Variants in ERI3 observed in about 807,000 individuals in gnomAD.
ERI3 encodes ERI1 exoribonuclease family member 3, also known as ERI1 exoribonuclease 3.
Under a neutral mutation model 44.4 loss-of-function variants are expected in ERI3, and 18 were observed. The ratio of observed to expected loss-of-function variants is 0.41; its 90% CI spans 0.28 to 0.60. The LOEUF (loss-of-function observed/expected upper bound fraction) is 0.60, where lower values mean the gene tolerates loss of function less well. Among genes scored for constraint, ERI3 ranks in the 20% least tolerant of loss-of-function variants. The pLI is 0.36. For synonymous variants in ERI3, 183 were observed against 164.8 expected, an observed-to-expected ratio of 1.11 and a Z score of -0.84; for missense variants, 294 against 435.5, an observed-to-expected ratio of 0.68 and a Z score of 2.89.
chr1:44,255,526 G>A (rs1008563832), intron 7 of ERI3, among the ~76,000 whole-genome samples: 13 of 151,872 alleles, frequency 8.6e-5, no homozygotes, highest in African/African-American at 3.1e-4. Context: ...GGGTTCCTTG[G>A]GTGATTTCCT....
At chr1:44,326,523 T>C (rs922418819) in intron 3 of ERI3, among the ~76,000 whole-genome samples, 6 of 152,382 alleles carry the variant, frequency 3.9e-5, no homozygotes, top group African/African-American at 1.4e-4. Flanking sequence ...TTAAATTTAT[T>C]GCCAAGCCCT....
intron 4 of ERI3, among the ~76,000 whole-genome samples, chr1:44,313,676 G>A (rs1427295987): frequency 6.6e-6 from 1 of 152,104 alleles, no homozygotes; most frequent in Non-Finnish European, 1.5e-5. Flanking sequence ...GGCACACTTG[G>A]TTTCAAGTCC....
At position 44,346,173 on chromosome 1, in the gene ERI3, G is replaced by A. The variant is rs112324315; in HGVS notation, c.211+6677C>T. Among the ~76,000 whole-genome samples the A allele has an allele frequency of 5.4e-3, 827 of 152,338 alleles. 7 individuals carry two copies. The highest frequency in any genetic ancestry group is 0.019 in the African/African-American group (780 of 41,566). On this transcript the variant is annotated intron_variant, in intron 2 of 8. Coordinates refer to ENST00000372257, the MANE Select transcript of ERI3 (RefSeq NM_024066.3). ...CACTCAGTCCCTGCCTTGGCCTGTA[G>A]CTACAGCTGCTTCTGCTCCAAGGCA...
At chr1:44,307,406 A>AAC (rs1408012084) in intron 6 of ERI3, among the ~76,000 whole-genome samples, 2 of 151,904 alleles carry the variant, frequency 1.3e-5, no homozygotes, top group Non-Finnish European at 2.9e-5. Flanking sequence ...CAAAAGTTCA[A>AAC]ACACACACAC....
At chr1:44,272,588 T>C (rs1041304533) in intron 7 of ERI3, among the ~76,000 whole-genome samples, 3 of 152,132 alleles carry the variant, frequency 2.0e-5, no homozygotes, top group African/African-American at 4.8e-5. Context: ...ACACCTGTAA[T>C]CCCAGCACTT....
At chr1:44,344,574 T>C (rs964913511) in intron 2 of ERI3, among the ~76,000 whole-genome samples, 2 of 152,172 alleles carry the variant, frequency 1.3e-5, no homozygotes, top group African/African-American at 2.4e-5. Context: ...CCTTGCACCC[T>C]CCGGTGTCTT....
Position 44,355,136 on chromosome 1 carries a change from G to A in ERI3, c.-110C>T, listed in dbSNP as rs576975098. On this transcript the variant is annotated 5_prime_UTR_variant, in exon 1 of 9. Transcript: ENST00000372257. ...AGGGCAGTTGGCGGCGGCGGGCGCG[G>A]CCCGCGCCGACTGCGGCGCCGGCCA... The A allele has an allele frequency of 2.0e-5, 24 of 1,227,074 alleles. No homozygotes were observed. Among genetic ancestry groups the A allele is most frequent in the African/African-American group, 9.4e-5 (6 of 63,854 alleles). 76.0% of individuals were successfully genotyped at this position (1,227,074 alleles called of 1,614,324 possible). A position where few individuals can be genotyped will look rare whatever the true frequency, so the allele number is the denominator to read the frequency against.
intron 7 of ERI3, among the ~76,000 whole-genome samples, chr1:44,259,577 C>T (rs1160824101): frequency 6.6e-6 from 1 of 152,068 alleles, no homozygotes; most frequent in Non-Finnish European, 1.5e-5. Flanking sequence ...CACAGTGGCT[C>T]ATGCCTATAA....
intron 8 of ERI3, among the ~76,000 whole-genome samples, chr1:44,231,711 C>T (rs1644188771): frequency 6.6e-6 from 1 of 152,148 alleles, no homozygotes; most frequent in Non-Finnish European, 1.5e-5. Context: ...AGCCCACTAC[C>T]CCTTCAAGTA....
intron 8 of ERI3, 99 bp downstream of exon 8, chr1:44,247,840 C>T: frequency 1.1e-6 from 1 of 941,584 alleles, no homozygotes; most frequent in South Asian, 1.8e-5. Context: ...TGTTGGGGCA[C>T]TGAATGAGCC....
chr1:44,248,146 T>C lies in ERI3; in HGVS notation c.832-108A>G, dbSNP rs1406881575. The C allele has an allele frequency of 7.6e-6, 5 of 657,132 alleles. No individual in the cohort carries two copies. The African/African-American group carries it at 9.6e-5, about 13-fold the overall frequency. 40.7% of individuals were successfully genotyped at this position (657,132 alleles called of 1,614,324 possible). A position where few individuals can be genotyped will look rare whatever the true frequency, so the allele number is the denominator to read the frequency against. ...AAATCTTTCCAACAAGGAATCCCTC[T>C]CATAATGCCATCTCGTGAGAGTCCC... On this transcript the variant is annotated intron_variant, in intron 7 of 8. Transcript: ENST00000372257.
intron 7 of ERI3, chr1:44,283,853 G>A: frequency 2.7e-6 from 1 of 369,196 alleles, no homozygotes; most frequent in South Asian, 2.0e-5. Context: ...CCTCCCTGCT[G>A]AGAAAGCATT....
intron 6 of ERI3, among the ~76,000 whole-genome samples, chr1:44,291,725 A>T (rs1175154826): frequency 6.6e-6 from 1 of 152,198 alleles, no homozygotes; most frequent in East Asian, 1.9e-4. Context: ...AGAGTCCCAC[A>T]CTGCTGCGCC....
chr1:44,241,811 C>CATAT lies in ERI3; in HGVS notation c.931+6127_931+6128insATAT. 1 of 168,476 alleles carries CATAT rather than the reference C, an allele frequency of 5.9e-6. No homozygotes were observed. Among genetic ancestry groups the CATAT allele is most frequent in the Non-Finnish European group, 1.2e-5 (1 of 83,840 alleles). The allele number at this position is 168,476 out of a possible 1,614,324, so 10.4% of individuals were successfully genotyped here. On this transcript the variant is annotated intron_variant, in intron 8 of 8. Transcript: ENST00000372257. This position sits in a 1 kb window ranked among gnomAD's most constrained non-coding sequence, Gnocchi z 5.6. ...AAGAATCAAACACACATAACACATACATACATACATACATACATACATACA... is the reference window on the plus strand; with the variant it reads ...AAGAATCAAACACACATAACACATACATATATACATACATACATACATACATACA...
At chr1:44,340,919 G>A (rs372978223) in intron 2 of ERI3, among the ~76,000 whole-genome samples, 12 of 152,100 alleles carry the variant, frequency 7.9e-5, no homozygotes, top group African/African-American at 2.7e-4. Context: ...TCTTCTCATC[G>A]CCTATTCCTG....
At chr1:44,346,501 T>C (rs1476677760) in intron 2 of ERI3, among the ~76,000 whole-genome samples, 3 of 152,210 alleles carry the variant, frequency 2.0e-5, no homozygotes, top group Non-Finnish European at 2.9e-5. Flanking sequence ...TGCAAGTCAG[T>C]TGCAACCTCA....
chr1:44,287,547 G>T (rs900457509), intron 6 of ERI3, among the ~76,000 whole-genome samples: 2 of 152,324 alleles, frequency 1.3e-5, no homozygotes, highest in African/African-American at 2.4e-5. Flanking sequence ...ACTACAACTG[G>T]TCAGTTTCCT....
At chr1:44,254,181 ACGTTGCCTCT>A (rs1197987627) in intron 7 of ERI3, among the ~76,000 whole-genome samples, 1 of 152,116 alleles carries the variant, frequency 6.6e-6, no homozygotes, top group African/African-American at 2.4e-5. Flanking sequence ...CCAGCCATGG[ACGTTGCCTCT>A]CAATTTCTTG....
At chr1:44,322,630 T>C in intron 3 of ERI3, 2 of 1,413,934 alleles carry the variant, frequency 1.4e-6, no homozygotes, top group South Asian at 3.1e-5. Context: ...CACTGGCATA[T>C]TCACTTGAGC....
Sources: gnomAD v4.1 joint callset for allele counts (sites outside exome capture counted in the v4.1 genomes callset) on GRCh38, gnomAD v4.1.1 for gene constraint, Gnocchi (gnomAD v3.1) non-coding constraint, MANE v1.5 for transcripts, NCBI Gene and HGNC (gene_info 2026-07-23, HGNC 2026-07-21) for gene names.